PDZD2: variants seen among roughly 807,000 people sequenced by gnomAD.
PDZD2 encodes PDZ domain-containing protein 2.
Under a neutral mutation model 220.7 loss-of-function variants are expected in PDZD2, and 90 were observed. That is an observed-to-expected ratio of 0.41 (90% CI 0.34 to 0.49). The LOEUF is 0.49. Ranked by LOEUF, PDZD2 falls within the 20% of genes least tolerant of loss-of-function variation. The probability of loss-of-function intolerance (pLI) is 0.28; values close to 1 mark genes in which losing one functional copy is unlikely to be tolerated. For synonymous variants in PDZD2, 1,375 were observed against 1,450.5 expected (o/e 0.95, Z 1.18); for missense variants, 3,174 against 3,608.5 (o/e 0.88, Z 3.08).
intron 1 of PDZD2, chr5:31,725,949 A>G: frequency 3.2e-6 from 2 of 633,840 alleles, no homozygotes; most frequent in Non-Finnish European, 5.7e-6. Context: ...TCTCTGCCGC[A>G]TGCGTAACAG....
intron 14 of PDZD2, among the ~76,000 whole-genome samples, chr5:32,063,059 A>ATTATTATTATTATTT (rs898188449): frequency 1.3e-5 from 2 of 149,650 alleles, no homozygotes; most frequent in African/African-American, 4.9e-5. Context: ...TATTATTATT[A>ATTATTATTATTATTT]TTTGAGACGG....
chr5:31,759,889 T>C (rs868456408), intron 1 of PDZD2, among the ~76,000 whole-genome samples: 2 of 152,168 alleles, frequency 1.3e-5, no homozygotes, highest in Non-Finnish European at 2.9e-5. Context: ...AAAGACTGTG[T>C]CTTTGTCATT....
chr5:31,935,923 A>G (rs1040635628), intron 2 of PDZD2, among the ~76,000 whole-genome samples: 52 of 152,200 alleles, frequency 3.4e-4, no homozygotes, highest in African/African-American at 1.2e-3. Context: ...GCCATGCATG[A>G]TGTCTGCTGG....
intron 2 of PDZD2, among the ~76,000 whole-genome samples, chr5:31,845,202 G>A (rs542059652): frequency 1.6e-4 from 24 of 152,244 alleles, no homozygotes; most frequent in Admixed American, 7.8e-4. Flanking sequence ...AGAATCACTG[G>A]CTTACAATAT....
rs1328022282 is a variant in PDZD2, at chr5:31,789,048, TATCTAATTA to T, written c.-360-9839_-360-9831del. Among the ~76,000 whole-genome samples the T allele has an allele frequency of 2.6e-5, 4 of 152,218 alleles. No individual in the cohort carries two copies. The South Asian group carries it at 6.2e-4, about 24-fold the overall frequency. On this transcript the variant is annotated intron_variant, in intron 1 of 24. Coordinates refer to ENST00000438447, the MANE Select transcript of PDZD2 (RefSeq NM_178140.4). ...AGGATTTTATTCAGCTATAACAGAA[TATCTAATTA>T]ACAGGGCTTAGACAAGATAGGTGCC...
intron 2 of PDZD2, among the ~76,000 whole-genome samples, chr5:31,813,915 C>T (rs143848917): frequency 6.0e-4 from 91 of 152,198 alleles, no homozygotes; most frequent in African/African-American, 2.1e-3. Flanking sequence ...TGCCTATAAT[C>T]CGAGCACTTT....
rs1561242418 is a variant in PDZD2 at position 31,976,946 on chromosome 5, G to C, written c.477-6209G>C. ...TTGGTCAGGCTGGTCTCGAACTCCT[G>C]ACCCCATGATCCACCCGCCTTGGCC... is the stretch of plus-strand genomic sequence containing the variant. On this transcript the variant is annotated intron_variant, in intron 2 of 24. Coordinates refer to ENST00000438447, the MANE Select transcript of PDZD2 (RefSeq NM_178140.4). Among the ~76,000 whole-genome samples, 8 of 151,166 alleles carry C rather than the reference G, an allele frequency of 5.3e-5. No individual in the cohort carries two copies. In the East Asian group the frequency reaches 1.6e-3, roughly 29 times the overall value.
chr5:31,672,693 G>T (rs1345463241), intron 1 of PDZD2, among the ~76,000 whole-genome samples: 1 of 152,148 alleles, frequency 6.6e-6, no homozygotes, highest in East Asian at 1.9e-4. Flanking sequence ...AGGAGGAAGG[G>T]CACCTTCCTT....
rs980155457 is a variant in PDZD2, at chr5:31,872,294, C to G, written c.476+72570C>G. Among the ~76,000 whole-genome samples, 4 of 152,080 alleles carry G rather than the reference C, an allele frequency of 2.6e-5. No homozygotes were observed. The South Asian group carries it at 8.3e-4, about 32-fold the overall frequency. ...CGGTCAACTTGAGGTTTTGGTGAAA[C>G]AAACACGGAGAATTTCCCTGGGGAA... is the stretch of plus-strand genomic sequence containing the variant. On this transcript the variant is annotated intron_variant, in intron 2 of 24. Coordinates refer to ENST00000438447, the MANE Select transcript of PDZD2 (RefSeq NM_178140.4).
At chr5:31,680,839 G>C (rs1408911343) in intron 1 of PDZD2, among the ~76,000 whole-genome samples, 5 of 152,130 alleles carry the variant, frequency 3.3e-5, no homozygotes, top group African/African-American at 1.2e-4. Flanking sequence ...CCTCTGCCCA[G>C]CCCAGCAGCT....
intron 2 of PDZD2, among the ~76,000 whole-genome samples, chr5:31,912,046 C>T (rs1481392459): frequency 6.6e-6 from 1 of 152,144 alleles, no homozygotes; most frequent in African/African-American, 2.4e-5. Flanking sequence ...CTGGCCCCGG[C>T]CCCAGCCCCA....
At chr5:31,642,236 ACT>A (rs895648966) in intron 1 of PDZD2, among the ~76,000 whole-genome samples, 4 of 152,044 alleles carry the variant, frequency 2.6e-5, no homozygotes, top group Admixed American at 2.6e-4. Flanking sequence ...AGACTTAGAG[ACT>A]CAAGTTTTCA....
intron 2 of PDZD2, among the ~76,000 whole-genome samples, chr5:31,879,209 A>C (rs1157435541): frequency 6.6e-6 from 1 of 151,856 alleles, no homozygotes; most frequent in African/African-American, 2.4e-5. Context: ...AACACGGTGA[A>C]ATCCTGTCTC....
At chr5:31,995,466 A>C (rs903738922) in intron 3 of PDZD2, 110 bp from the exon 4 acceptor site, 1 of 1,103,062 alleles carries the variant, frequency 9.1e-7, no homozygotes, top group Middle Eastern at 2.7e-4. Context: ...AATCTGTGAT[A>C]TCTGTGGACA....
intron 5 of PDZD2, among the ~76,000 whole-genome samples, chr5:32,003,333 A>ACCACACACACC (rs1227645986): frequency 1.6e-3 from 18 of 11,514 alleles, no homozygotes; most frequent in Admixed American, 1.9e-3. Flanking sequence ...ACACACCCCC[A>ACCACACACACC]CCACACCACA....
intron 5 of PDZD2, among the ~76,000 whole-genome samples, chr5:32,002,781 A>G (rs1264961965): frequency 1.9e-5 from 1 of 52,708 alleles, no homozygotes; most frequent in East Asian, 4.9e-4. Flanking sequence ...ACACCAACAC[A>G]CAACCACACA....
intron 1 of PDZD2, among the ~76,000 whole-genome samples, chr5:31,786,009 T>A (rs1255900133): frequency 6.6e-6 from 1 of 152,118 alleles, no homozygotes; most frequent in Non-Finnish European, 1.5e-5. Context: ...CCGAAATCTT[T>A]CCTTCTGAAT....
chr5:31,843,588 T>C (rs1418834229), intron 2 of PDZD2: 1 of 152,178 alleles, frequency 6.6e-6, no homozygotes, highest in Non-Finnish European at 1.5e-5. Context: ...TTTCTTGATA[T>C]CATCATGTCC....
chr5:31,752,089 T>TTTTTTTTTTTTTTTTTTTTA (rs1169621744), intron 1 of PDZD2, among the ~76,000 whole-genome samples: 1 of 141,102 alleles, frequency 7.1e-6, no homozygotes, highest in Admixed American at 7.2e-5. Flanking sequence ...TTTTTTTTTT[T>TTTTTTTTTTTTTTTTTTTTA]TCTGAGACAA....
Sources: allele counts gnomAD v4.1 joint callset (sites outside exome capture counted in the v4.1 genomes callset), GRCh38; gene constraint gnomAD v4.1.1; transcripts MANE v1.5; gene names NCBI Gene and HGNC (gene_info 2026-07-23, HGNC 2026-07-21).